ACTN2: variants seen among roughly 807,000 people sequenced by gnomAD.
ACTN2 encodes the protein actinin alpha 2, also known as alpha-actinin-2.
A neutral mutation model predicts 113.8 loss-of-function variants in ACTN2; 39 were observed. The ratio of observed to expected loss-of-function variants is 0.34; its 90% CI spans 0.27 to 0.45. The LOEUF is 0.45. Ranked by LOEUF, ACTN2 falls within the 20% of genes least tolerant of loss-of-function variation. ACTN2 has a pLI of 1.00. For synonymous variants in ACTN2, 429 were observed against 444.1 expected (o/e 0.97, Z 0.43); for missense variants, 992 against 1,177.9 (o/e 0.84, Z 2.31).
At position 236,753,976 on chromosome 1, in the gene ACTN2, A is replaced by G. The variant is rs2102942522; in HGVS notation, c.1869A>G (p.Gln623=). 1.2e-6 allele frequency: 2 copies of G among 1,614,072 alleles called. No individual in the cohort carries two copies. Among genetic ancestry groups the G allele is most frequent in the African/African-American group, 1.3e-5 (1 of 75,024 alleles). ...KVKQLVPIRD[Q]SLQEELARQH... ...AGCAACTCGTGCCCATCCGCGATCA[A>G]TCCCTGCAGGAGGAGCTGGCTCGCC... The change falls in exon 16 of 21, where the codon CAA becomes CAG. Residue 623 remains glutamine, a synonymous_variant. Transcript: ENST00000366578.
intron 1 of ACTN2, among the ~76,000 whole-genome samples, chr1:236,696,192 A>G (rs1234286188): frequency 6.6e-6 from 1 of 151,980 alleles, no homozygotes; most frequent in East Asian, 1.9e-4. Flanking sequence ...CTGTAATCCC[A>G]GCTACTCGGG....
intron 1 of ACTN2, among the ~76,000 whole-genome samples, chr1:236,706,133 A>G (rs1394209233): frequency 2.0e-5 from 3 of 150,148 alleles, no homozygotes; most frequent in Admixed American, 6.6e-5. Context: ...TCTTGGCAAG[A>G]TTATAGAATC....
At chr1:236,693,840 C>A (rs929628288) in intron 1 of ACTN2, among the ~76,000 whole-genome samples, 6 of 152,204 alleles carry the variant, frequency 3.9e-5, no homozygotes, top group African/African-American at 1.4e-4. Flanking sequence ...ATTCAAGTGT[C>A]TCTGTGGTTC....
At chr1:236,694,890 C>T (rs1296388810) in intron 1 of ACTN2, among the ~76,000 whole-genome samples, 1 of 151,506 alleles carries the variant, frequency 6.6e-6, no homozygotes, top group Non-Finnish European at 1.5e-5. Context: ...CATAGAGAGA[C>T]CTTGTCTCTA....
At chr1:236,728,802 G>C (rs1318921543) in intron 6 of ACTN2, among the ~76,000 whole-genome samples, 1 of 152,226 alleles carries the variant, frequency 6.6e-6, no homozygotes, top group African/African-American at 2.4e-5. Context: ...GCCGAGGCAG[G>C]AGGCTTGCTT....
chr1:236,763,762 C>T lies in ACTN2; in HGVS notation c.*1143C>T, dbSNP rs1659774372. ...TTGGACAGTGTATCCTAACAAGTCC[C>T]ATGTCTGGTTCTGTGTCTAAAGGCC... On this transcript the variant is annotated 3_prime_UTR_variant, in exon 21 of 21. Transcript: ENST00000366578. The T allele has an allele frequency of 6.6e-6, 1 of 152,200 alleles. No homozygotes were observed. The highest frequency in any genetic ancestry group is 2.4e-5 in the African/African-American group (1 of 41,456). The allele number at this position is 152,200 out of a possible 1,614,324, so 9.4% of individuals were successfully genotyped here.
chr1:236,761,350 G>GAAAC (rs985581739), intron 20 of ACTN2, among the ~76,000 whole-genome samples, 177 bp downstream of exon 20: 20 of 152,156 alleles, frequency 1.3e-4, no homozygotes, highest in African/African-American at 4.8e-4. Context: ...CAGCACAGAG[G>GAAAC]AAACAGACAT....
At position 236,753,969 on chromosome 1, in the gene ACTN2, G is replaced by A. The variant is rs368040932; in HGVS notation, c.1862G>A (p.Arg621His). The A allele has an allele frequency of 2.3e-5, 37 of 1,606,128 alleles. No homozygotes were observed. The highest frequency in any genetic ancestry group is 2.8e-5 in the Non-Finnish European group (33 of 1,175,598). Residue 621 changes from arginine to histidine, a missense_variant, in exon 16 of 21, where the codon CGC (arginine) becomes CAC (histidine). Transcript: ENST00000366578. ...WDKVKQLVPI[R>H]DQSLQEELAR... Reference sequence around the variant, plus strand: ...CAGGTGAAGCAACTCGTGCCCATCCGCGATCAATCCCTGCAGGAGGAGCTG... The same window carrying A: ...CAGGTGAAGCAACTCGTGCCCATCCACGATCAATCCCTGCAGGAGGAGCTG...
At chr1:236,693,001 C>T (rs187816541) in intron 1 of ACTN2, among the ~76,000 whole-genome samples, 17 of 152,170 alleles carry the variant, frequency 1.1e-4, no homozygotes, top group East Asian at 5.8e-4. Context: ...ATCCTACCGC[C>T]GTTTCCCTGG....
At chr1:236,724,793 G>A (rs1216008397) in intron 4 of ACTN2, among the ~76,000 whole-genome samples, 4 of 150,852 alleles carry the variant, frequency 2.7e-5, no homozygotes, top group African/African-American at 4.9e-5. Flanking sequence ...TGGGACGTCT[G>A]AGCGGCACAT....
Position 236,761,099 on chromosome 1 carries a change from A to G in ACTN2, c.2452A>G (p.Met818Val), listed in dbSNP as rs779528747. ...TVTFQSFIDF[M>V]TRETADTDTA... Reference sequence around the variant, plus strand: ...CACCTTCCAATCCTTCATCGACTTCATGACTAGAGAGACGGCTGACACCGA... The same window carrying G: ...CACCTTCCAATCCTTCATCGACTTCGTGACTAGAGAGACGGCTGACACCGA... Residue 818 changes from methionine to valine, a missense_variant, in exon 20 of 21, where the codon ATG (methionine) becomes GTG (valine). Met to Val is a conservative substitution (Grantham distance 21). Around this residue, in one of 3 missense-constraint regions of ACTN2, gnomAD observed 736 missense variants for 815.4 expected, o/e 0.90. Coordinates refer to ENST00000366578, the MANE Select transcript of ACTN2 (RefSeq NM_001103.4). The G allele has an allele frequency of 6.2e-7, 1 of 1,614,124 alleles. No homozygotes were observed. Among genetic ancestry groups the G allele is most frequent in the East Asian group, 2.2e-5 (1 of 44,860 alleles).
At chr1:236,693,141 C>T (rs1000994018) in intron 1 of ACTN2, among the ~76,000 whole-genome samples, 2 of 151,014 alleles carry the variant, frequency 1.3e-5, no homozygotes, top group African/African-American at 4.9e-5. Flanking sequence ...CTGAAGAAGA[C>T]TGAGGAAAAT....
At chr1:236,748,247 C>T (rs1659294634) in intron 13 of ACTN2, 1 of 171,128 alleles carries the variant, frequency 5.8e-6, no homozygotes, top group Non-Finnish European at 1.3e-5. Context: ...TGTTTAACTG[C>T]CCCTAATTGT....
intron 1 of ACTN2, among the ~76,000 whole-genome samples, chr1:236,710,901 C>G (rs574719412): frequency 3.3e-5 from 5 of 152,278 alleles, no homozygotes; most frequent in East Asian, 3.9e-4. Context: ...CCCTACCCCC[C>G]ACCCGTGGAA....
chr1:236,705,731 A>C (rs1005191024), intron 1 of ACTN2, among the ~76,000 whole-genome samples: 1 of 152,168 alleles, frequency 6.6e-6, no homozygotes, highest in Non-Finnish European at 1.5e-5. Context: ...CATAGTTTCC[A>C]TCCTTTCTGG....
At chr1:236,712,547 C>T (rs1233079626) in intron 1 of ACTN2, among the ~76,000 whole-genome samples, 1 of 152,114 alleles carries the variant, frequency 6.6e-6, no homozygotes, top group Admixed American at 6.6e-5. Context: ...AAGGTAATAT[C>T]AACTCAGGAG....
chr1:236,731,205 A>C, intron 6 of ACTN2, 28 bp from the exon 7 acceptor site: 1 of 1,568,394 alleles, frequency 6.4e-7, no homozygotes, highest in African/African-American at 1.4e-5. Flanking sequence ...TATATTTTAA[A>C]AATCTGACTG....
intron 19 of ACTN2, among the ~76,000 whole-genome samples, chr1:236,760,072 C>T (rs1473302451): frequency 6.6e-6 from 1 of 152,122 alleles, no homozygotes; most frequent in African/African-American, 2.4e-5. Flanking sequence ...ATGGTGAAAC[C>T]TCTTCTCTAC....
intron 19 of ACTN2, 134 bp from the exon 20 acceptor site, chr1:236,760,881 C>G (rs961605971): frequency 1.7e-6 from 2 of 1,167,046 alleles, no homozygotes; most frequent in African/African-American, 3.0e-5. Context: ...TGTCCAAAGA[C>G]TGAAGGGAAA....
Sources: gnomAD v4.1 joint callset for allele counts (sites outside exome capture counted in the v4.1 genomes callset) on GRCh38, gnomAD v4.1.1 for gene constraint, gnomAD v4.1.1 regional missense constraint, MANE v1.5 for transcripts, NCBI Gene and HGNC (gene_info 2026-07-23, HGNC 2026-07-21) for gene names.